RPF1: variants seen among roughly 807,000 people sequenced by gnomAD.
RPF1 encodes the protein ribosome production factor 1 homolog.
RPF1 carries 34 observed loss-of-function variants against 41.9 expected under a neutral mutation model. The ratio of observed to expected loss-of-function variants is 0.81; its 90% confidence interval spans 0.62 to 1.08. The LOEUF (loss-of-function observed/expected upper bound fraction) is 1.08. Among genes scored for constraint, RPF1 ranks in the 50% least tolerant of loss-of-function variants. The pLI, the probability that RPF1 is intolerant of heterozygous loss-of-function variation, is 0.00. For missense variants in RPF1, 425 were observed against 435.2 expected, an observed-to-expected ratio of 0.98 and a Z score of 0.21; for synonymous variants, 140 against 148.9, an observed-to-expected ratio of 0.94 and a Z score of 0.43.
chr1:84,482,990 GA>G lies in RPF1; in HGVS notation c.363del (p.Glu122ArgfsTer59). 1 of 1,574,864 alleles carries G rather than the reference GA, an allele frequency of 6.3e-7. No homozygotes were observed. The highest frequency in any genetic ancestry group is 8.7e-7 in the Non-Finnish European group (1 of 1,144,312). ...TGAAACCACAGTAGACCCTAATGAT[GA>G]AGAGGTAATGTTAGAAGTCTTAAAT... ...YDETTVDPND[E>X]EVAYDEATDE... On this transcript the variant is annotated frameshift_variant, in exon 3 of 9. Transcript: ENST00000370654. LOFTEE classifies it high-confidence loss of function.
chr1:84,480,393 A>G (rs900788533), intron 1 of RPF1, among the ~76,000 whole-genome samples: 1 of 152,264 alleles, frequency 6.6e-6, no homozygotes, highest in South Asian at 2.1e-4. Context: ...TTCTATCTAG[A>G]AATCTCCAGA....
At chr1:84,490,521 C>G in intron 5 of RPF1, 49 bp downstream of exon 5, 2 of 1,272,196 alleles carry the variant, frequency 1.6e-6, no homozygotes, top group Non-Finnish European at 1.1e-6. Context: ...CCCTCACCCC[C>G]CTTAAAAATA....
At chr1:84,493,399 C>T (rs116168068) in intron 5 of RPF1, among the ~76,000 whole-genome samples, 3,853 of 150,014 alleles carry the variant, frequency 0.026, 75 homozygotes, top group Middle Eastern at 0.057. Context: ...GCAGGTGGAT[C>T]GCTTGAGACC....
chr1:84,493,240 T>C (rs1681864928), intron 5 of RPF1, among the ~76,000 whole-genome samples: 1 of 151,870 alleles, frequency 6.6e-6, no homozygotes, highest in Non-Finnish European at 1.5e-5. Context: ...TACTTTTGGC[T>C]GTATTTCATG....
At chr1:84,495,794 A>T (rs1681924731) in intron 6 of RPF1, 88 bp from the exon 7 acceptor site, 1 of 850,024 alleles carries the variant, frequency 1.2e-6, no homozygotes, top group Non-Finnish European at 1.8e-6. Context: ...CAAATTTGTC[A>T]TGTAAATTTT....
At chr1:84,487,943 G>A (rs1243130368) in intron 3 of RPF1, among the ~76,000 whole-genome samples, 1 of 151,988 alleles carries the variant, frequency 6.6e-6, no homozygotes, top group Non-Finnish European at 1.5e-5. Context: ...TTTTGGAGTA[G>A]TGCAGCCTTT....
intron 5 of RPF1, among the ~76,000 whole-genome samples, chr1:84,494,944 A>G (rs942206816): frequency 6.6e-6 from 1 of 152,198 alleles, no homozygotes; most frequent in Admixed American, 6.5e-5. Flanking sequence ...TGACCATACA[A>G]ATGTATAAAA....
chr1:84,494,937 C>T (rs1681901698), intron 5 of RPF1, among the ~76,000 whole-genome samples: 2 of 152,222 alleles, frequency 1.3e-5, no homozygotes, highest in Non-Finnish European at 2.9e-5. Context: ...CATATCGTGA[C>T]CATACAAATG....
chr1:84,483,715 A>G (rs1298854614), intron 3 of RPF1, among the ~76,000 whole-genome samples: 1 of 152,206 alleles, frequency 6.6e-6, no homozygotes, highest in African/African-American at 2.4e-5. Flanking sequence ...TTCTCCTTAG[A>G]TAGTTGGCAA....
chr1:84,484,427 T>A (rs1313198518), intron 3 of RPF1, among the ~76,000 whole-genome samples: 5 of 150,732 alleles, frequency 3.3e-5, no homozygotes, highest in Non-Finnish European at 7.4e-5. Context: ...ATAATGTCCT[T>A]TTTAGCAAAA....
rs756495833 is a variant in RPF1 at position 84,495,986 on chromosome 1, T to A, written c.804T>A (p.Pro268=). The A allele has an allele frequency of 2.4e-5, 39 of 1,610,596 alleles. No individual in the cohort carries two copies. The highest frequency in any genetic ancestry group is 1.8e-4 in the Admixed American group (11 of 59,968). The change falls in exon 7 of 9, where the codon CCT becomes CCA. Residue 268 remains proline, a synonymous_variant. Coordinates refer to ENST00000370654, the MANE Select transcript of RPF1 (RefSeq NM_025065.7). Reference sequence around the variant, plus strand: ...GACGTATGTTTGCATCTCTCTTTCCTCATAATCCTCAATTTATCGGAAGGC... The same window carrying A: ...GACGTATGTTTGCATCTCTCTTTCCACATAATCCTCAATTTATCGGAAGGC... ...SIGRMFASLF[P]HNPQFIGRQV... is the part of the protein sequence containing the mutation.
In RPF1 at chr1:84,479,528, C is replaced by T. The variant is rs1409360320; in HGVS notation, c.228+19C>T. ...GCGGAAGGTACGCGAGAGGCGGGGGCTGCCGGGCGCTTGCGCGTTGTTCCT... is the reference window on the plus strand; with the variant it reads ...GCGGAAGGTACGCGAGAGGCGGGGGTTGCCGGGCGCTTGCGCGTTGTTCCT... On this transcript the variant is annotated intron_variant, in intron 1 of 8. Transcript: ENST00000370654. 1 of 1,609,878 alleles carries T rather than the reference C, an allele frequency of 6.2e-7. No individual in the cohort carries two copies. The highest frequency in any genetic ancestry group is 8.5e-7 in the Non-Finnish European group (1 of 1,176,874).
At chr1:84,480,000 T>C (rs149928319) in intron 1 of RPF1, among the ~76,000 whole-genome samples, 5 of 152,366 alleles carry the variant, frequency 3.3e-5, no homozygotes, top group South Asian at 2.1e-4. Context: ...TTTATCCTTA[T>C]ACGTTTCTGG....
chr1:84,492,904 C>G (rs1681860980), intron 5 of RPF1, among the ~76,000 whole-genome samples: 1 of 152,182 alleles, frequency 6.6e-6, no homozygotes, highest in Non-Finnish European at 1.5e-5. Context: ...GCAGTCCCAC[C>G]GTGGTTGAGA....
chr1:84,486,491 A>G (rs1045864143), intron 3 of RPF1, among the ~76,000 whole-genome samples: 1 of 150,534 alleles, frequency 6.6e-6, no homozygotes, highest in Non-Finnish European at 1.5e-5. Flanking sequence ...GGGAGGCTGA[A>G]GCAGGAGAAT....
rs763959246 is a variant in RPF1, at chr1:84,496,294, G to A, written c.932G>A (p.Arg311His). Residue 311 changes from arginine (R) to histidine (H), a missense_variant, in exon 8 of 9, where the codon CGT becomes CAT. Transcript: ENST00000370654. The stretch of plus-strand genomic sequence containing the variant: ...GTGGGAATTCAGGAACTTGGACCAC[G>A]TTTTACCTTAAAATTAAGGTCTCTT... ...KKVGIQELGP[R>H]FTLKLRSLQK... 5.6e-6 allele frequency: 9 copies of A among 1,612,946 alleles called. No homozygotes were observed. The highest frequency in any genetic ancestry group is 5.3e-5 in the African/African-American group (4 of 74,872).
intron 3 of RPF1, among the ~76,000 whole-genome samples, chr1:84,488,129 C>A (rs539216532): frequency 1.1e-4 from 16 of 152,148 alleles, no homozygotes; most frequent in African/African-American, 3.9e-4. Flanking sequence ...CCCCTAAATC[C>A]CCTCTCTTCA....
chr1:84,487,217 A>G (rs149673058), intron 3 of RPF1, among the ~76,000 whole-genome samples: 2,614 of 152,290 alleles, frequency 0.017, 31 homozygotes, highest in Middle Eastern at 0.037. Flanking sequence ...ACATAATTGT[A>G]CCAAAATATT....
At chr1:84,487,867 T>C (rs567699024) in intron 3 of RPF1, among the ~76,000 whole-genome samples, 1 of 152,232 alleles carries the variant, frequency 6.6e-6, no homozygotes, top group East Asian at 1.9e-4. Flanking sequence ...GTGTTCTACT[T>C]CTTAACAGTT....
Sources: allele counts gnomAD v4.1 joint callset (sites outside exome capture counted in the v4.1 genomes callset), GRCh38; gene constraint gnomAD v4.1.1; transcripts MANE v1.5; gene names NCBI Gene and HGNC (gene_info 2026-07-23, HGNC 2026-07-21).